The following SAXO1 variants were observed in gnomAD, a reference collection of about 807,000 sequenced individuals.
The protein encoded by SAXO1 is stabilizer of axonemal microtubules 1.
SAXO1 carries 21 observed loss-of-function variants against 17.5 expected under a neutral mutation model. The ratio of observed to expected loss-of-function variants is 1.20; its 90% CI spans 0.85 to 1.72. The LOEUF (loss-of-function observed/expected upper bound fraction) is 1.72. Among genes scored for constraint, SAXO1 ranks in the 40% most tolerant of loss-of-function variants. SAXO1 has a pLI of 0.00. For synonymous variants in SAXO1, 274 were observed against 216.5 expected, an observed-to-expected ratio of 1.27 and a Z score of -2.33; for missense variants, 843 against 596.0, an observed-to-expected ratio of 1.41 and a Z score of -4.32.
At chr9:19,028,225 A>C in intron 1 of SAXO1, 1 of 939,996 alleles carries the variant, frequency 1.1e-6, no homozygotes, top group Non-Finnish European at 1.6e-6. Flanking sequence ...AAAATACAAA[A>C]ATTAGCCGGC....
intron 1 of SAXO1, among the ~76,000 whole-genome samples, chr9:18,991,039 C>G (rs376315840): frequency 6.6e-6 from 1 of 152,258 alleles, no homozygotes; most frequent in East Asian, 1.9e-4. Flanking sequence ...AGGTGGATCA[C>G]CTGAGGTCAG....
At chr9:18,962,282 A>G (rs7033694) in intron 1 of SAXO1, among the ~76,000 whole-genome samples, 23,531 of 152,102 alleles carry the variant, frequency 0.15, 3,850 homozygotes, top group African/African-American at 0.42. Flanking sequence ...TGATCAGGCT[A>G]GTCTTGAACT....
At chr9:19,011,732 C>T (rs953822758) in intron 1 of SAXO1, among the ~76,000 whole-genome samples, 2 of 152,134 alleles carry the variant, frequency 1.3e-5, no homozygotes, top group Admixed American at 6.5e-5. Context: ...TTTTAAATAA[C>T]ACAAAATCTA....
At chr9:18,985,633 C>A (rs930544176) in intron 1 of SAXO1, among the ~76,000 whole-genome samples, 1 of 152,162 alleles carries the variant, frequency 6.6e-6, no homozygotes, top group Non-Finnish European at 1.5e-5. Flanking sequence ...CAGCACCTCA[C>A]GATGGAGCCC....
At chr9:19,028,148 AG>A in intron 1 of SAXO1, 1 of 1,548,022 alleles carries the variant, frequency 6.5e-7, no homozygotes, top group African/African-American at 1.4e-5. Context: ...ACGGCAGGCC[AG>A]CCCCGGACTC....
In SAXO1 at chr9:18,967,492, A is replaced by G. The variant is rs547530411; in HGVS notation, c.39-16555T>C. 2.8e-4 allele frequency among the ~76,000 whole-genome samples: 43 copies of G among 152,320 alleles called. 1 individual carries two copies. The highest frequency in any genetic ancestry group is 1.3e-3 in the Admixed American group (20 of 15,306). On this transcript the variant is annotated intron_variant, in intron 1 of 3. Transcript: ENST00000380534. ...GCTGTCTGGCTACAGTGGCTTTGCC[A>G]CACTGTTGGGGGTTCTAACCCAGTT...
chr9:18,977,416 T>C (rs1292574133), intron 1 of SAXO1, among the ~76,000 whole-genome samples: 3 of 152,210 alleles, frequency 2.0e-5, no homozygotes, highest in South Asian at 4.1e-4. Flanking sequence ...CATTACAACC[T>C]CATCAGATGC....
Position 18,929,036 on chromosome 9 carries a change from G to C in SAXO1, c.441C>G (p.Asn147Lys), listed in dbSNP as rs1257849868. 3 of 1,613,796 alleles carry C rather than the reference G, an allele frequency of 1.9e-6. No homozygotes were observed. The highest frequency in any genetic ancestry group is 1.7e-5 in the Admixed American group (1 of 59,940). ...GACGAAGTGGCTCTCGCCTTGGTTG[G>C]TTCCAAGGCAAATAATCAGCTGAAA... Reference protein sequence around the residue: ...PTYKADYLPWNQPRREPLRLE... With the variant: ...PTYKADYLPWKQPRREPLRLE... Residue 147 changes from asparagine (N) to lysine (K), a missense_variant, in exon 4 of 4, where the codon AAC becomes AAG. Coordinates refer to ENST00000380534, the MANE Select transcript of SAXO1 (RefSeq NM_153707.4).
rs532482040 is a variant in SAXO1 at position 19,032,055 on chromosome 9, A to T, written c.38+816T>A. Reference sequence around the variant, plus strand: ...CCTATGAGGTACGTATTGTTGGTACAGATGAGGCGACTATGACCTGGAGTT... The same window carrying T: ...CCTATGAGGTACGTATTGTTGGTACTGATGAGGCGACTATGACCTGGAGTT... On this transcript the variant is annotated intron_variant, in intron 1 of 3. Coordinates refer to ENST00000380534, the MANE Select transcript of SAXO1 (RefSeq NM_153707.4). Among the ~76,000 whole-genome samples, 6 of 152,348 alleles carry T rather than the reference A, an allele frequency of 3.9e-5. No individual in the cohort carries two copies. The East Asian group carries it at 1.2e-3, about 29-fold the overall frequency.
At chr9:19,035,331 T>G (rs116143874), upstream of SAXO1, among the ~76,000 whole-genome samples, 1,158 of 152,322 alleles carry the variant, frequency 7.6e-3, 12 homozygotes, top group African/African-American at 0.026. Context: ...TATCTTCATT[T>G]TTCTCTCTTG....
At chr9:19,024,010 GGC>G (rs1197532909) in intron 1 of SAXO1, among the ~76,000 whole-genome samples, 1 of 105,642 alleles carries the variant, frequency 9.5e-6, no homozygotes, top group East Asian at 2.8e-4. Flanking sequence ...TACTCTTTAA[GGC>G]TTTTTTTTTT....
chr9:19,022,144 G>A (rs969279748), intron 1 of SAXO1, among the ~76,000 whole-genome samples: 6 of 152,132 alleles, frequency 3.9e-5, no homozygotes, highest in South Asian at 2.1e-4. Context: ...ACGAACCCAC[G>A]GGGAGAAACG....
At chr9:18,960,171 T>A (rs1048922227) in intron 1 of SAXO1, among the ~76,000 whole-genome samples, 3 of 152,162 alleles carry the variant, frequency 2.0e-5, no homozygotes, top group African/African-American at 7.2e-5. Flanking sequence ...AATATTTAGA[T>A]TAATTAGAGA....
chr9:19,035,676 T>C (rs538930190), upstream of SAXO1, among the ~76,000 whole-genome samples: 41 of 152,326 alleles, frequency 2.7e-4, no homozygotes, highest in African/African-American at 9.9e-4. Context: ...CTGATAGCGA[T>C]ATGGACAATA....
intron 3 of SAXO1, among the ~76,000 whole-genome samples, chr9:18,940,060 G>T (rs909955865): frequency 3.9e-5 from 6 of 152,230 alleles, no homozygotes; most frequent in Admixed American, 6.5e-5. Flanking sequence ...TCGGCTATCA[G>T]TAGGAGCTGG....
At chr9:19,033,266 C>T (rs893996772), upstream of SAXO1, 7 of 252,980 alleles carry the variant, frequency 2.8e-5, no homozygotes, top group East Asian at 5.1e-4. Flanking sequence ...GTCGCCAGGG[C>T]CAGGAGGGGC....
intron 1 of SAXO1, among the ~76,000 whole-genome samples, chr9:18,953,643 C>G (rs1170708662): frequency 6.6e-6 from 1 of 152,140 alleles, no homozygotes; most frequent in East Asian, 1.9e-4. Flanking sequence ...GCCCTGAATA[C>G]CCCTCCCAAG....
Position 18,928,457 on chromosome 9 carries a change from G to C in SAXO1, c.1020C>G (p.Thr340=), listed in dbSNP as rs1425564900. The C allele has an allele frequency of 7.4e-6, 12 of 1,611,200 alleles. No homozygotes were observed. The highest frequency in any genetic ancestry group is 2.7e-5 in the African/African-American group (2 of 74,834). The change falls in exon 4 of 4, where the codon ACC becomes ACG. Residue 340 remains threonine (T), a synonymous_variant. Coordinates refer to ENST00000380534, the MANE Select transcript of SAXO1 (RefSeq NM_153707.4). ...KCGRFEGSST[T]KDDYKQWSSM... is the part of the protein sequence containing the mutation. ...TGGACCACTGCTTGTAGTCATCCTT[G>C]GTGGTGGAAGAGCCTTCAAAGCGAC...
At chr9:18,942,473 C>T (rs575945776) in intron 2 of SAXO1, among the ~76,000 whole-genome samples, 6 of 152,194 alleles carry the variant, frequency 3.9e-5, no homozygotes, top group East Asian at 3.9e-4. Flanking sequence ...TTTCAGGTGC[C>T]GCTGCCACCT....
Sources: gnomAD v4.1 joint callset for allele counts (sites outside exome capture counted in the v4.1 genomes callset) on GRCh38, gnomAD v4.1.1 for gene constraint, MANE v1.5 for transcripts, NCBI Gene and HGNC (gene_info 2026-07-23, HGNC 2026-07-21) for gene names.